Variants in ARMC8 observed in about 807,000 individuals in gnomAD.
The protein encoded by ARMC8 is armadillo repeat containing 8, also known as armadillo repeat-containing protein 8.
ARMC8 carries 20 observed loss-of-function variants against 99.3 expected under a neutral mutation model. That is an observed-to-expected ratio of 0.20 (90% CI 0.14 to 0.29). The LOEUF is 0.29. Ranked by LOEUF, ARMC8 falls within the 10% of genes least tolerant of loss-of-function variation. The pLI is 1.00. For missense variants in ARMC8, 569 were observed against 809.5 expected (o/e 0.70, Z 3.60); for synonymous variants, 263 against 278.3 (o/e 0.95, Z 0.55).
chr3:138,237,160 GC>G, intron 7 of ARMC8, 148 bp from the exon 8 acceptor site: 1 of 654,828 alleles, frequency 1.5e-6, no homozygotes. Context: ...GTACTCTGCA[GC>G]TGTACAGGTG....
chr3:138,266,559 A>C (rs968093775), intron 14 of ARMC8, among the ~76,000 whole-genome samples: 1 of 152,178 alleles, frequency 6.6e-6, no homozygotes, highest in South Asian at 2.1e-4. Context: ...ATTTAATCCT[A>C]AATAGTTCTA....
chr3:138,237,683 G>A, intron 9 of ARMC8, 111 bp downstream of exon 9: 2 of 862,650 alleles, frequency 2.3e-6, no homozygotes, highest in Non-Finnish European at 3.5e-6. Flanking sequence ...TTGAGATTTT[G>A]AAATTTGAAA....
intron 2 of ARMC8, among the ~76,000 whole-genome samples, chr3:138,215,652 G>C (rs1405014099): frequency 6.6e-6 from 1 of 152,040 alleles, no homozygotes; most frequent in Non-Finnish European, 1.5e-5. Flanking sequence ...TATTTTGGTA[G>C]ATTTTACTCT....
In ARMC8 at chr3:138,263,824, AT is replaced by A; in HGVS notation, c.1217+4del. On this transcript the variant is annotated splice_donor_region_variant and intron_variant, in intron 13 of 21. Transcript: ENST00000469044. ...AAGGTGCGGTTAGCTGCCGTCAGGT[AT>A]GAGCTTTAAATGGTCTGAATAAAAA... 1 of 1,613,504 alleles carries A rather than the reference AT, an allele frequency of 6.2e-7. No individual in the cohort carries two copies. The highest frequency in any genetic ancestry group is 8.5e-7 in the Non-Finnish European group (1 of 1,179,434).
At position 138,289,931 on chromosome 3, in the gene ARMC8, G is replaced by A. The variant is rs115354149; in HGVS notation, c.1895-615G>A. Among the ~76,000 whole-genome samples the A allele has an allele frequency of 1.7e-3, 264 of 152,202 alleles. 2 individuals are homozygous for A. The highest frequency in any genetic ancestry group is 5.8e-3 in the African/African-American group (242 of 41,516). On this transcript the variant is annotated intron_variant, in intron 20 of 21. Coordinates refer to ENST00000469044, the MANE Select transcript of ARMC8 (RefSeq NM_001363941.2). ...CTCCAGGGGATTACTCAGCAGCAGC[G>A]CCCAAAACAAAGTGCAAGAAGGGAA...
chr3:138,281,529 A>AT (rs963797540), intron 18 of ARMC8, among the ~76,000 whole-genome samples: 9 of 151,998 alleles, frequency 5.9e-5, no homozygotes, highest in Admixed American at 1.3e-4. Flanking sequence ...TTGACCTCGT[A>AT]ATCCACCCGC....
intron 1 of ARMC8, among the ~76,000 whole-genome samples, chr3:138,196,508 T>A (rs1328374814): frequency 2.0e-5 from 3 of 152,172 alleles, no homozygotes; most frequent in Admixed American, 6.5e-5. Context: ...TAGAGATTGC[T>A]GGATTCCCTG....
intron 12 of ARMC8, among the ~76,000 whole-genome samples, chr3:138,257,683 A>T (rs571502443): frequency 2.0e-4 from 31 of 152,196 alleles, no homozygotes; most frequent in African/African-American, 6.5e-4. Flanking sequence ...ATAAAAAAAA[A>T]ATTTAAGTGA....
intron 2 of ARMC8, among the ~76,000 whole-genome samples, chr3:138,210,681 G>A (rs923650174): frequency 2.6e-5 from 4 of 151,834 alleles, no homozygotes; most frequent in East Asian, 1.9e-4. Flanking sequence ...CATGAGGGAG[G>A]CCTCTTTCTT....
At chr3:138,232,161 A>G (rs1559962618) in intron 6 of ARMC8, among the ~76,000 whole-genome samples, 1 of 151,134 alleles carries the variant, frequency 6.6e-6, no homozygotes, top group African/African-American at 2.4e-5. Flanking sequence ...TTTTAAGTAG[A>G]GATGGGGTTT....
rs58707271 is a variant in ARMC8, at chr3:138,201,436, C to CTTTTTTTTTTTTTTTTTTTTT, written c.46-8360_46-8340dup. On this transcript the variant is annotated intron_variant, in intron 1 of 21. Transcript: ENST00000469044. ...TAGAGTCCTTGTCTTCTTCCCCTCC[C>CTTTTTTTTTTTTTTTTTTTTT]TTTTTTTTTTTTTTTTTTTTTTTTT... Among the ~76,000 whole-genome samples, 4 of 64,994 alleles carry CTTTTTTTTTTTTTTTTTTTTT rather than the reference C, an allele frequency of 6.2e-5. 1 individual carries two copies. Among genetic ancestry groups the CTTTTTTTTTTTTTTTTTTTTT allele is most frequent in the Non-Finnish European group, 6.8e-5 (2 of 29,394 alleles). 42.6% of individuals were successfully genotyped at this position (64,994 alleles called of 152,430 possible).
At chr3:138,287,759 A>G in intron 19 of ARMC8, 2 of 450,692 alleles carry the variant, frequency 4.4e-6, no homozygotes, top group Non-Finnish European at 4.5e-6. Flanking sequence ...ATATAGTCCT[A>G]CATGAGAAGA....
chr3:138,209,988 C>G (rs2044603376), intron 2 of ARMC8, 95 bp downstream of exon 2: 1 of 846,466 alleles, frequency 1.2e-6, no homozygotes, highest in African/African-American at 1.7e-5. Context: ...AGGGTTATAC[C>G]TTTTTTCTTT....
chr3:138,295,974 A>G lies in ARMC8; in HGVS notation c.*82A>G. 1 of 1,484,218 alleles carries G rather than the reference A, an allele frequency of 6.7e-7. No homozygotes were observed. The highest frequency in any genetic ancestry group is 9.3e-7 in the Non-Finnish European group (1 of 1,079,524). The allele number at this position is 1,484,218 out of a possible 1,614,324, so 91.9% of individuals were successfully genotyped here. A position where few individuals can be genotyped will look rare whatever the true frequency, so the allele number is the denominator to read the frequency against. ...GAACCAGCCTCATTTGATTCCTTCT[A>G]TTTGCACAAGTCACCTTGGACTGCA... On this transcript the variant is annotated 3_prime_UTR_variant, in exon 22 of 22. Transcript: ENST00000469044.
chr3:138,236,498 T>C (rs1312697351), intron 7 of ARMC8, among the ~76,000 whole-genome samples: 1 of 152,202 alleles, frequency 6.6e-6, no homozygotes, highest in Non-Finnish European at 1.5e-5. Context: ...ACTAGTCTGG[T>C]AACATTACTC....
chr3:138,237,882 C>T (rs1433424691), intron 9 of ARMC8: 1 of 260,618 alleles, frequency 3.8e-6, no homozygotes, highest in Non-Finnish European at 7.2e-6. Flanking sequence ...TTAGATTTAA[C>T]CAACATATAC....
At chr3:138,256,701 C>T (rs1336012576) in intron 12 of ARMC8, among the ~76,000 whole-genome samples, 3 of 152,292 alleles carry the variant, frequency 2.0e-5, no homozygotes, top group East Asian at 1.9e-4. Flanking sequence ...TGAGCCACCG[C>T]GCCCGGCCTT....
chr3:138,190,281 CT>C (rs141579108), intron 1 of ARMC8, among the ~76,000 whole-genome samples: 2,020 of 114,326 alleles, frequency 0.018, 24 homozygotes, highest in African/African-American at 0.065. Context: ...ATTTTCTTAT[CT>C]TTTTTTTTTT....
chr3:138,279,466 G>A (rs1465213416), intron 18 of ARMC8, among the ~76,000 whole-genome samples: 4 of 151,988 alleles, frequency 2.6e-5, no homozygotes, highest in Non-Finnish European at 4.4e-5. Context: ...GGTAAGGAGT[G>A]TTTCACATCT....
Sources: gnomAD v4.1 joint callset for allele counts (sites outside exome capture counted in the v4.1 genomes callset) on GRCh38, gnomAD v4.1.1 for gene constraint, MANE v1.5 for transcripts, NCBI Gene and HGNC (gene_info 2026-07-23, HGNC 2026-07-21) for gene names.